The following USP6 variants were observed in gnomAD, a reference collection of about 807,000 sequenced individuals.
USP6 encodes ubiquitin specific peptidase 6, also known as ubiquitin carboxyl-terminal hydrolase 6.
A neutral mutation model predicts 175.7 loss-of-function variants in USP6; 128 were observed. That is an observed-to-expected ratio of 0.73 (90% CI 0.63 to 0.84). USP6 has a LOEUF of 0.84. Ranked by LOEUF, USP6 falls within the 40% of genes least tolerant of loss-of-function variation. The pLI is 0.00. For synonymous variants in USP6, 562 were observed against 630.6 expected, an observed-to-expected ratio of 0.89 and a Z score of 1.63; for missense variants, 1,498 against 1,760.3, an observed-to-expected ratio of 0.85 and a Z score of 2.67.
chr17:5,144,492 T>C (rs528506327), intron 25 of USP6, among the ~76,000 whole-genome samples, 198 bp from the exon 26 acceptor site: 2 of 152,218 alleles, frequency 1.3e-5, no homozygotes, highest in South Asian at 4.1e-4. Flanking sequence ...GCCAAAATAC[T>C]TCTCTTTTTT....
intron 25 of USP6, 147 bp downstream of exon 25, chr17:5,142,649 T>G (rs1042941153): frequency 2.3e-6 from 3 of 1,332,884 alleles, no homozygotes; most frequent in Non-Finnish European, 3.0e-6. Context: ...CAAATTCTTT[T>G]GCTTGTTTAA....
rs2074173522 is a variant in USP6, at chr17:5,169,742, C to A, written c.3517+687C>A. Among the ~76,000 whole-genome samples, 3 of 152,128 alleles carry A rather than the reference C, an allele frequency of 2.0e-5. No homozygotes were observed. In the South Asian group the frequency reaches 6.2e-4, roughly 32 times the overall value. On this transcript the variant is annotated intron_variant, in intron 35 of 37. Transcript: ENST00000574788. ...CAGGTGTGAGCCACTGTGCCTGGCC[C>A]AAAATGATTTTCATAAAAATACTGA...
Position 5,130,041 on chromosome 17 carries a change from C to T in USP6, c.-50C>T. On this transcript the variant is annotated 5_prime_UTR_variant, in exon 9 of 38. Coordinates refer to ENST00000574788, the MANE Select transcript of USP6 (RefSeq NM_001304284.2). Reference sequence around the variant, plus strand: ...TCCACATCCCTGGAATAGACCATCACAGGCTCTTCACCCTTGGCAGGTGGA... The same window carrying T: ...TCCACATCCCTGGAATAGACCATCATAGGCTCTTCACCCTTGGCAGGTGGA... 2.8e-6 allele frequency: 1 copy of T among 359,194 alleles called. No individual in the cohort carries two copies. Among genetic ancestry groups the T allele is most frequent in the Admixed American group, 3.9e-5 (1 of 25,972 alleles). 22.3% of individuals were successfully genotyped at this position (359,194 alleles called of 1,614,324 possible). A position where few individuals can be genotyped will look rare whatever the true frequency, so the allele number is the denominator to read the frequency against.
At chr17:5,140,061 C>T (rs2143938190) in intron 22 of USP6, among the ~76,000 whole-genome samples, 1 of 152,198 alleles carries the variant, frequency 6.6e-6, no homozygotes, top group Non-Finnish European at 1.5e-5. Flanking sequence ...ATCCCAGCAC[C>T]CCCAGCCCCA....
At chr17:5,171,124 G>A (rs2074208649) in intron 36 of USP6, among the ~76,000 whole-genome samples, 1 of 152,120 alleles carries the variant, frequency 6.6e-6, no homozygotes, top group South Asian at 2.1e-4. Context: ...TGAGACAGGA[G>A]GATCGCTTGA....
chr17:5,148,554 A>G lies in USP6; in HGVS notation c.2432-2A>G. ...ATGCTGTACTTATCTTTGAATTTGT[A>G]GATTTCTCCTCTTCACCATCTACAA... is the stretch of plus-strand genomic sequence containing the variant. On this transcript the variant is annotated splice_acceptor_variant, in intron 29 of 37. Coordinates refer to ENST00000574788, the MANE Select transcript of USP6 (RefSeq NM_001304284.2). LOFTEE classifies it high-confidence loss of function. The G allele has an allele frequency of 6.2e-7, 1 of 1,613,964 alleles. No individual in the cohort carries two copies. Among genetic ancestry groups the G allele is most frequent in the Non-Finnish European group, 8.5e-7 (1 of 1,179,844 alleles).
chr17:5,166,222 C>T (rs2074093470), intron 33 of USP6, among the ~76,000 whole-genome samples: 1 of 152,100 alleles, frequency 6.6e-6, no homozygotes, highest in Non-Finnish European at 1.5e-5. Context: ...AAGTCTATAA[C>T]CCAAGTCCAA....
At chr17:5,159,657 C>T (rs1253276409) in intron 31 of USP6, among the ~76,000 whole-genome samples, 10 of 152,076 alleles carry the variant, frequency 6.6e-5, no homozygotes, top group Non-Finnish European at 1.2e-4. Flanking sequence ...GGTTCTGGAA[C>T]GTATGAGAAT....
intron 7 of USP6, chr17:5,128,259 C>T (rs539196423): frequency 6.6e-6 from 1 of 152,332 alleles, no homozygotes; most frequent in South Asian, 2.1e-4. Context: ...TGGGCCCCTA[C>T]TGTGTGCCTG....
chr17:5,145,271 T>A, intron 26 of USP6, 134 bp from the exon 27 acceptor site: 1 of 1,143,406 alleles, frequency 8.7e-7, no homozygotes, highest in Non-Finnish European at 1.2e-6. Flanking sequence ...AATTTAATAT[T>A]TTATGTTAAA....
At chr17:5,122,816 G>T (rs892435468) in intron 4 of USP6, among the ~76,000 whole-genome samples, 10 of 152,242 alleles carry the variant, frequency 6.6e-5, no homozygotes, top group Non-Finnish European at 1.2e-4. Context: ...GTAGGGCGCG[G>T]AGAGCGCACT....
chr17:5,151,312 AT>A (rs2073763798), intron 30 of USP6, among the ~76,000 whole-genome samples: 1 of 152,210 alleles, frequency 6.6e-6, no homozygotes, highest in Admixed American at 6.5e-5. Context: ...AGACTTAAAT[AT>A]TGGAAGGAAT....
At chr17:5,150,291 T>TAAAAAAAA (rs1157025599) in intron 30 of USP6, among the ~76,000 whole-genome samples, 8 of 120,018 alleles carry the variant, frequency 6.7e-5, no homozygotes, top group African/African-American at 9.2e-5. Flanking sequence ...AAACTCCGTC[T>TAAAAAAAA]AAAAAAATAA....
At chr17:5,172,328 G>C (rs1191754919) in intron 37 of USP6, among the ~76,000 whole-genome samples, 1 of 152,066 alleles carries the variant, frequency 6.6e-6, no homozygotes, top group Non-Finnish European at 1.5e-5. Flanking sequence ...TCAGGAGATA[G>C]AGGCCATCCT....
chr17:5,141,736 GAAT>G (rs1206451693), intron 23 of USP6, among the ~76,000 whole-genome samples: 2 of 152,080 alleles, frequency 1.3e-5, no homozygotes, highest in African/African-American at 2.4e-5. Flanking sequence ...CATGCTAGAA[GAAT>G]AATTGTTTGA....
At chr17:5,164,667 T>C (rs2074065574) in intron 33 of USP6, among the ~76,000 whole-genome samples, 1 of 152,224 alleles carries the variant, frequency 6.6e-6, no homozygotes, top group South Asian at 2.1e-4. Flanking sequence ...TAGGATACCA[T>C]GGAAACGAAG....
chr17:5,171,525 G>A, intron 36 of USP6, 62 bp from the exon 37 acceptor site: 6 of 1,503,362 alleles, frequency 4.0e-6, no homozygotes, highest in Non-Finnish European at 4.6e-6. Flanking sequence ...AGATCTTAGT[G>A]CTATACCCTG....
intron 35 of USP6, among the ~76,000 whole-genome samples, 175 bp from the exon 36 acceptor site, chr17:5,170,304 A>C (rs192902006): frequency 1.3e-5 from 2 of 152,348 alleles, no homozygotes; most frequent in East Asian, 3.9e-4. Context: ...GCATTGAAGA[A>C]GACAAAAATG....
intron 37 of USP6, among the ~76,000 whole-genome samples, chr17:5,172,472 A>G (rs1760406937): frequency 6.6e-6 from 1 of 152,254 alleles, no homozygotes; most frequent in South Asian, 2.1e-4. Flanking sequence ...CAGAGGTTGC[A>G]GTGAGCTGAG....
Sources: allele counts gnomAD v4.1 joint callset (sites outside exome capture counted in the v4.1 genomes callset), GRCh38; gene constraint gnomAD v4.1.1; transcripts MANE v1.5; gene names NCBI Gene and HGNC (gene_info 2026-07-23, HGNC 2026-07-21).